ANKRD11: variants seen among roughly 807,000 people sequenced by gnomAD.
ANKRD11 encodes ankyrin repeat domain 11.
ANKRD11 carries 17 observed loss-of-function variants against 195.7 expected under a neutral mutation model. The ratio of observed to expected loss-of-function variants is 0.09; its 90% confidence interval spans 0.06 to 0.13. The LOEUF (loss-of-function observed/expected upper bound fraction) is 0.13. ANKRD11 is among the 10% of genes least tolerant of loss of function. The probability of loss-of-function intolerance (pLI) is 1.00; values close to 1 mark genes in which losing one functional copy is unlikely to be tolerated. For synonymous variants in ANKRD11, 1,953 were observed against 1,528.1 expected, an observed-to-expected ratio of 1.28 and a Z score of -6.49; for missense variants, 3,735 against 3,566.1, an observed-to-expected ratio of 1.05 and a Z score of -1.21.
At chr16:89,453,701 T>C (rs2056295426) in intron 1 of ANKRD11, among the ~76,000 whole-genome samples, 1 of 152,182 alleles carries the variant, frequency 6.6e-6, no homozygotes, top group Admixed American at 6.5e-5. Flanking sequence ...CAGGACAATG[T>C]GATGTGCTGA....
chr16:89,484,118 T>C (rs180785487), intron 1 of ANKRD11, among the ~76,000 whole-genome samples: 129 of 152,296 alleles, frequency 8.5e-4, no homozygotes, highest in African/African-American at 3.0e-3. Flanking sequence ...AAGGCAAAGG[T>C]TATTCAGTGC....
At chr16:89,419,027 A>C (rs1330959311) in intron 1 of ANKRD11, among the ~76,000 whole-genome samples, 12 of 152,216 alleles carry the variant, frequency 7.9e-5, no homozygotes, top group Admixed American at 7.9e-4. Context: ...CAGCCTTAAA[A>C]GGCTAATTTT....
intron 9 of ANKRD11, chr16:89,278,574 CCCCAAGGGAGCTGCAGCTCTGCTGT>C (rs1286674244): frequency 2.2e-6 from 1 of 457,262 alleles, no homozygotes; most frequent in Non-Finnish European, 4.4e-6. Flanking sequence ...GACCAAGCTG[CCCCAAGGGAGCTGCAGCTCTGCTGT>C]CCCAGAAGCC....
intron 2 of ANKRD11, among the ~76,000 whole-genome samples, chr16:89,409,275 C>T (rs1398835503): frequency 1.3e-5 from 2 of 152,194 alleles, no homozygotes; most frequent in Admixed American, 6.5e-5. Flanking sequence ...TAGAATAAAT[C>T]ACTAGGCTAC....
At chr16:89,314,566 G>A (rs554740744) in intron 3 of ANKRD11, among the ~76,000 whole-genome samples, 156 of 152,172 alleles carry the variant, frequency 1.0e-3, no homozygotes, top group African/African-American at 3.0e-3. Flanking sequence ...CTACCCTGCC[G>A]AGACTGCCTT....
intron 1 of ANKRD11, among the ~76,000 whole-genome samples, chr16:89,463,789 C>T (rs923885707): frequency 7.2e-6 from 1 of 139,740 alleles, no homozygotes; most frequent in African/African-American, 2.6e-5. Context: ...TAATTCCCTA[C>T]GTTACCACAC....
chr16:89,481,733 C>T (rs559199431), intron 1 of ANKRD11, among the ~76,000 whole-genome samples: 1 of 152,250 alleles, frequency 6.6e-6, no homozygotes, highest in East Asian at 1.9e-4. Context: ...CCAGGTTAAT[C>T]TGCTGTCATC....
chr16:89,273,708 G>T (rs2033387610), intron 11 of ANKRD11, among the ~76,000 whole-genome samples: 2 of 151,928 alleles, frequency 1.3e-5, no homozygotes, highest in African/African-American at 4.8e-5. Flanking sequence ...AAAAAAAAAG[G>T]AAAATAAAAT....
chr16:89,291,499 T>C lies in ANKRD11; in HGVS notation c.227-316A>G, dbSNP rs1400302545. 2.0e-5 allele frequency among the ~76,000 whole-genome samples: 3 copies of C among 152,088 alleles called. No individual in the cohort carries two copies. The highest frequency in any genetic ancestry group is 2.9e-5 in the Non-Finnish European group (2 of 68,012). ...GCCTCCCCAGACCTCGTACCACACA[T>C]GAATGCGGTGGGACAGCTTAGCACC... On this transcript the variant is annotated intron_variant, in intron 4 of 12. Coordinates refer to ENST00000301030, the MANE Select transcript of ANKRD11 (RefSeq NM_013275.6). The surrounding 1 kb of genome is among the most constrained non-coding windows in gnomAD (Gnocchi z 5.3).
chr16:89,288,626 C>T lies in ANKRD11; in HGVS notation c.646G>A (p.Val216Ile), dbSNP rs369972559. Residue 216 changes from valine (V) to isoleucine (I), a missense_variant, in exon 7 of 13, where the codon GTC becomes ATC. Physicochemically the swap from Val to Ile is conservative, Grantham distance 29 (BLOSUM62 3). Coordinates refer to ENST00000301030, the MANE Select transcript of ANKRD11 (RefSeq NM_013275.6). ...CCTGCAGCCAGCAGCTGCTTCGCGA[C>T]GTCGTAGTAGCCCCGGTTACAGGCC... ...HEACNRGYYDVAKQLLAAGAE... is the reference protein window; with the variant it reads ...HEACNRGYYDIAKQLLAAGAE... The T allele has an allele frequency of 7.1e-5, 114 of 1,614,086 alleles. No individual in the cohort carries two copies. In the East Asian group the frequency reaches 1.6e-3, roughly 22 times the overall value.
At position 89,415,486 on chromosome 16, in the gene ANKRD11, G is replaced by C. The variant is rs1197048935; in HGVS notation, c.-60+2798C>G. Among the ~76,000 whole-genome samples the C allele has an allele frequency of 1.4e-5, 2 of 146,484 alleles. 1 individual carries two copies. Among genetic ancestry groups the C allele is most frequent in the Admixed American group, 1.4e-4 (2 of 14,750 alleles). On this transcript the variant is annotated intron_variant, in intron 2 of 12. Transcript: ENST00000301030. ...TCACCGTGTTAGCCAGGATGGTCTT[G>C]ATCTCCTGACCTCATGATCCACCCG... is the stretch of plus-strand genomic sequence containing the variant.
chr16:89,352,363 G>A (rs1239203481), intron 2 of ANKRD11, among the ~76,000 whole-genome samples: 3 of 151,710 alleles, frequency 2.0e-5, no homozygotes, highest in African/African-American at 4.8e-5. Flanking sequence ...GCACCGCAAT[G>A]TCTCAAGGCA....
intron 9 of ANKRD11, 122 bp downstream of exon 9, chr16:89,278,950 A>C (rs780941839): frequency 6.8e-7 from 1 of 1,460,630 alleles, no homozygotes; most frequent in South Asian, 1.2e-5. Flanking sequence ...CTCAGGTGGC[A>C]GAAGGTCGAG....
At chr16:89,350,319 C>G (rs566865456) in intron 2 of ANKRD11, among the ~76,000 whole-genome samples, 2 of 152,274 alleles carry the variant, frequency 1.3e-5, no homozygotes, top group East Asian at 3.9e-4. Context: ...CCGAGAAACC[C>G]AGACCCAGAA....
intron 2 of ANKRD11, among the ~76,000 whole-genome samples, chr16:89,318,015 C>T (rs968363038): frequency 2.0e-5 from 3 of 152,182 alleles, no homozygotes; most frequent in Non-Finnish European, 4.4e-5. Context: ...CAGCCACTCC[C>T]GAACTATTTG....
chr16:89,279,805 G>C lies in ANKRD11; in HGVS notation c.6737C>G (p.Pro2246Arg). 7 of 1,541,196 alleles carry C rather than the reference G, an allele frequency of 4.5e-6. No individual in the cohort carries two copies. Among genetic ancestry groups the C allele is most frequent in the South Asian group, 1.2e-5 (1 of 84,370 alleles). ...DSSVEPAPVP[P>R]EQRPLGSGDQ... ...TCCGCTCCCCAGTGGGCGCTGTTCT[G>C]GGGGAACGGGCGCGGGCTCCACGCT... The change falls in exon 9 of 13, where the codon CCA (proline) becomes CGA (arginine). Residue 2246 changes from proline (P) to arginine (R), a missense_variant. Coordinates refer to ENST00000301030, the MANE Select transcript of ANKRD11 (RefSeq NM_013275.6). The surrounding 1 kb of genome is among the most constrained non-coding windows in gnomAD (Gnocchi z 5.6).
intron 2 of ANKRD11, among the ~76,000 whole-genome samples, chr16:89,376,367 G>C (rs1260831900): frequency 6.6e-6 from 1 of 152,206 alleles, no homozygotes. Context: ...TGCCAACCAA[G>C]AGGTAGCAGA....
chr16:89,405,625 T>C (rs755465979), intron 2 of ANKRD11, among the ~76,000 whole-genome samples: 1 of 151,746 alleles, frequency 6.6e-6, no homozygotes, highest in Non-Finnish European at 1.5e-5. Context: ...TGAGCCGCCA[T>C]GCCCGGCTTT....
At chr16:89,410,154 AAC>A (rs2042059505) in intron 2 of ANKRD11, among the ~76,000 whole-genome samples, 1 of 152,196 alleles carries the variant, frequency 6.6e-6, no homozygotes, top group East Asian at 1.9e-4. Flanking sequence ...CTAAATTTAA[AAC>A]ACAGTTTGCT....
Sources: gnomAD v4.1 joint callset for allele counts (sites outside exome capture counted in the v4.1 genomes callset) on GRCh38, gnomAD v4.1.1 for gene constraint, Gnocchi (gnomAD v3.1) non-coding constraint, MANE v1.5 for transcripts, NCBI Gene and HGNC (gene_info 2026-07-23, HGNC 2026-07-21) for gene names.